CAPN13: variants seen among roughly 807,000 people sequenced by gnomAD.
CAPN13 encodes the protein calpain 13.
In CAPN13, 90 loss-of-function variants were observed where a neutral mutation model predicts 98.4. The ratio of observed to expected loss-of-function variants is 0.92; its 90% CI spans 0.77 to 1.09. The LOEUF is 1.09. CAPN13 is among the 50% of genes least tolerant of loss of function. The pLI, the probability that CAPN13 is intolerant of heterozygous loss-of-function variation, is 0.00. For synonymous variants in CAPN13, 330 were observed against 305.5 expected (o/e 1.08, Z -0.84); for missense variants, 887 against 841.3 (o/e 1.05, Z -0.67).
intron 22 of CAPN13, among the ~76,000 whole-genome samples, chr2:30,730,436 G>T (rs959518660): frequency 2.0e-5 from 3 of 152,188 alleles, no homozygotes; most frequent in Non-Finnish European, 4.4e-5. Flanking sequence ...CCCTTCCCGT[G>T]ATGAGAGATA....
intron 22 of CAPN13, among the ~76,000 whole-genome samples, chr2:30,723,939 T>G (rs937897925): frequency 1.3e-5 from 2 of 152,240 alleles, no homozygotes; most frequent in African/African-American, 4.8e-5. Context: ...TAGCAGGTTC[T>G]TGTCCCATTT....
chr2:30,741,374 T>A, intron 15 of CAPN13: 1 of 986,316 alleles, frequency 1.0e-6, no homozygotes, highest in Non-Finnish European at 1.2e-6. Flanking sequence ...AACACAATTA[T>A]TAACGGTAAG....
At chr2:30,764,373 G>A in intron 5 of CAPN13, 67 bp from the exon 6 acceptor site, 1 of 1,535,930 alleles carries the variant, frequency 6.5e-7, no homozygotes, top group Non-Finnish European at 8.9e-7. Flanking sequence ...GGGAGCTTGT[G>A]CACTGATCCT....
At chr2:30,752,358 G>A (rs114798680) in intron 10 of CAPN13, among the ~76,000 whole-genome samples, 170 of 152,282 alleles carry the variant, frequency 1.1e-3, no homozygotes, top group Non-Finnish European at 2.1e-3. Context: ...ACTCTTGTTC[G>A]TCTTCACAGG....
At chr2:30,775,320 T>C (rs1410773142) in intron 4 of CAPN13, among the ~76,000 whole-genome samples, 1 of 152,146 alleles carries the variant, frequency 6.6e-6, no homozygotes, top group Non-Finnish European at 1.5e-5. Context: ...AATATAAATA[T>C]AACACTTTAT....
At chr2:30,792,174 A>C (rs1043775837) in intron 1 of CAPN13, among the ~76,000 whole-genome samples, 1 of 152,164 alleles carries the variant, frequency 6.6e-6, no homozygotes, top group African/African-American at 2.4e-5. Flanking sequence ...ATAAATAAGA[A>C]AGACAAGAGC....
intron 2 of CAPN13, among the ~76,000 whole-genome samples, chr2:30,778,827 C>T (rs1382047788): frequency 6.6e-6 from 1 of 152,172 alleles, no homozygotes; most frequent in South Asian, 2.1e-4. Context: ...CAGGCCCTCC[C>T]GGGTGAGGGG....
intron 1 of CAPN13, among the ~76,000 whole-genome samples, chr2:30,789,249 G>A (rs974556600): frequency 2.2e-4 from 33 of 152,360 alleles, no homozygotes; most frequent in African/African-American, 7.5e-4. Flanking sequence ...ATAATGAAGA[G>A]TTGTGAAAAT....
intron 22 of CAPN13, among the ~76,000 whole-genome samples, chr2:30,725,452 C>T (rs184338776): frequency 1.3e-5 from 2 of 151,874 alleles, no homozygotes; most frequent in African/African-American, 4.9e-5. Flanking sequence ...AGTATTCTTA[C>T]AACAAAAGTA....
Position 30,775,996 on chromosome 2 carries a change from C to T in CAPN13, c.321G>A (p.Gln107=). The change falls in exon 4 of 23, where the codon CAG becomes CAA. Residue 107 remains glutamine (Q), a synonymous_variant. Transcript: ENST00000295055. ...GGACCATCAGGATCTTCTGCCTGTACTGTGGGTTCTGAGTCAAGGATCCCA... is the reference window on the plus strand; with the variant it reads ...GGACCATCAGGATCTTCTGCCTGTATTGTGGGTTCTGAGTCAAGGATCCCA... ...AALGSLTQNP[Q]YRQKILMVQS... 1 of 1,613,244 alleles carries T rather than the reference C, an allele frequency of 6.2e-7. No individual in the cohort carries two copies. Among genetic ancestry groups the T allele is most frequent in the Non-Finnish European group, 8.5e-7 (1 of 1,179,532 alleles).
At chr2:30,788,660 G>A (rs1231157888) in intron 1 of CAPN13, among the ~76,000 whole-genome samples, 1 of 152,078 alleles carries the variant, frequency 6.6e-6, no homozygotes, top group East Asian at 1.9e-4. Context: ...GGACTATAAA[G>A]GAATAAATTC....
intron 19 of CAPN13, 88 bp from the exon 20 acceptor site, chr2:30,732,654 G>C: frequency 6.6e-7 from 1 of 1,505,524 alleles, no homozygotes; most frequent in Non-Finnish European, 8.8e-7. Context: ...CTGTTCAGAG[G>C]GCCCGGCCAC....
intron 20 of CAPN13, among the ~76,000 whole-genome samples, chr2:30,731,931 G>C (rs1671117580): frequency 6.6e-6 from 1 of 152,126 alleles, no homozygotes; most frequent in Non-Finnish European, 1.5e-5. Context: ...CTGCAATCAT[G>C]GTGGCCCCAC....
chr2:30,774,966 G>T (rs1381466860), intron 4 of CAPN13, among the ~76,000 whole-genome samples: 1 of 152,150 alleles, frequency 6.6e-6, no homozygotes, highest in Non-Finnish European at 1.5e-5. Context: ...AGAGAAGGCA[G>T]GATTTGGCTC....
intron 1 of CAPN13, among the ~76,000 whole-genome samples, chr2:30,788,179 T>C (rs565532095): frequency 2.4e-4 from 36 of 152,372 alleles, no homozygotes; most frequent in Non-Finnish European, 4.6e-4. Context: ...AGCTACATAC[T>C]GCTTCTGCAA....
chr2:30,782,151 C>T (rs999355880), intron 2 of CAPN13, among the ~76,000 whole-genome samples: 8 of 152,176 alleles, frequency 5.3e-5, no homozygotes, highest in East Asian at 1.9e-4. Context: ...CTACCCTAAT[C>T]GTCTCCAGAG....
intron 15 of CAPN13, 107 bp downstream of exon 15, chr2:30,741,801 A>C: frequency 6.3e-7 from 1 of 1,575,484 alleles, no homozygotes. Context: ...TAGTCCATCA[A>C]GTCACTTCTC....
Position 30,754,464 on chromosome 2 carries a change from T to C in CAPN13, c.867-100A>G. The C allele has an allele frequency of 3.2e-6, 3 of 947,450 alleles. No homozygotes were observed. The South Asian group carries it at 6.1e-5, about 19-fold the overall frequency. The allele number at this position is 947,450 out of a possible 1,614,324, so 58.7% of individuals were successfully genotyped here. On this transcript the variant is annotated intron_variant, in intron 8 of 22. Transcript: ENST00000295055. ...GACCCTCTGTACATGTCACCATTCC[T>C]GGGGAGCACAGGGCAAGTGTCATCC...
chr2:30,732,703 T>G, intron 19 of CAPN13, 137 bp from the exon 20 acceptor site: 1 of 1,170,384 alleles, frequency 8.5e-7, no homozygotes. Flanking sequence ...CTCCCTTCAG[T>G]GTCTTCTCTT....
Sources: allele counts gnomAD v4.1 joint callset (sites outside exome capture counted in the v4.1 genomes callset), GRCh38; gene constraint gnomAD v4.1.1; transcripts MANE v1.5; gene names NCBI Gene and HGNC (gene_info 2026-07-23, HGNC 2026-07-21).